DSCAM: variants seen among roughly 807,000 people sequenced by gnomAD.
DSCAM encodes the protein cell adhesion molecule DSCAM.
In DSCAM, 47 loss-of-function variants were observed where a neutral mutation model predicts 217.7. The ratio of observed to expected loss-of-function variants is 0.22; its 90% CI spans 0.17 to 0.28. The LOEUF (loss-of-function observed/expected upper bound fraction) is 0.28, where lower values mean the gene tolerates loss of function less well. Ranked by LOEUF, DSCAM falls within the 10% of genes least tolerant of loss-of-function variation. The pLI is 1.00. For synonymous variants in DSCAM, 1,056 were observed against 1,015.3 expected (o/e 1.04, Z -0.76); for missense variants, 2,080 against 2,618.3 (o/e 0.79, Z 4.49).
chr21:40,112,857 CT>C (rs1398126774), intron 20 of DSCAM, among the ~76,000 whole-genome samples: 3 of 152,138 alleles, frequency 2.0e-5, no homozygotes, highest in African/African-American at 7.2e-5. Flanking sequence ...CCTCCCAAGA[CT>C]AAACCAGAAA....
intron 1 of DSCAM, among the ~76,000 whole-genome samples, chr21:40,711,972 AC>A (rs2090785111): frequency 6.6e-6 from 1 of 152,122 alleles, no homozygotes; most frequent in African/African-American, 2.4e-5. Flanking sequence ...ACCCTCTACA[AC>A]CATGTCTTTC....
In DSCAM at chr21:40,021,039, G is replaced by A. The variant is rs188288015; in HGVS notation, c.5687-7653C>T. Among the ~76,000 whole-genome samples, 337 of 151,774 alleles carry A rather than the reference G, an allele frequency of 2.2e-3. 6 individuals are homozygous for A. Among genetic ancestry groups the A allele is most frequent in the Non-Finnish European group, 1.7e-3 (118 of 67,944 alleles). ...GCAGGAACATACCAGGGTCAGGGGAGGCTGAGATGAATAAGGCTGGGGGGG... is the reference window on the plus strand; with the variant it reads ...GCAGGAACATACCAGGGTCAGGGGAAGCTGAGATGAATAAGGCTGGGGGGG... On this transcript the variant is annotated intron_variant, in intron 32 of 32. Coordinates refer to ENST00000400454, the MANE Select transcript of DSCAM (RefSeq NM_001389.5).
chr21:40,147,350 GA>G (rs2090369049), intron 16 of DSCAM, among the ~76,000 whole-genome samples: 1 of 152,240 alleles, frequency 6.6e-6, no homozygotes, highest in Non-Finnish European at 1.5e-5. Flanking sequence ...TGTACAGGTA[GA>G]AAGGAGAAAT....
intron 3 of DSCAM, among the ~76,000 whole-genome samples, chr21:40,395,584 CT>C (rs945972850): frequency 6.6e-6 from 1 of 150,774 alleles, no homozygotes; most frequent in East Asian, 1.9e-4. Flanking sequence ...TCTTTGATTT[CT>C]TTTTTTTTCT....
intron 27 of DSCAM, among the ~76,000 whole-genome samples, chr21:40,071,328 C>T (rs552638275): frequency 3.9e-5 from 6 of 152,158 alleles, no homozygotes; most frequent in Admixed American, 2.0e-4. Flanking sequence ...TTTAGGAGGT[C>T]GCCATGCTCT....
At chr21:40,307,943 G>T (rs1259331802) in intron 9 of DSCAM, among the ~76,000 whole-genome samples, 1 of 129,690 alleles carries the variant, frequency 7.7e-6, no homozygotes, top group Non-Finnish European at 1.6e-5. Flanking sequence ...TGGGATGAGG[G>T]GAGGGGGGAG....
At chr21:40,834,245 A>T (rs1042784820) in intron 1 of DSCAM, among the ~76,000 whole-genome samples, 3 of 151,658 alleles carry the variant, frequency 2.0e-5, no homozygotes, top group Admixed American at 2.0e-4. Context: ...CGTCTCTACT[A>T]AAAATACAAA....
At chr21:40,365,551 T>G (rs141696334) in intron 4 of DSCAM, among the ~76,000 whole-genome samples, 118 of 152,260 alleles carry the variant, frequency 7.7e-4, no homozygotes, top group African/African-American at 2.8e-3. Context: ...AAACTCTACT[T>G]TATATATACA....
intron 20 of DSCAM, among the ~76,000 whole-genome samples, chr21:40,099,660 C>T (rs769249163): frequency 2.2e-4 from 34 of 152,172 alleles, no homozygotes; most frequent in Admixed American, 2.0e-3. Flanking sequence ...GAAGTTTTAG[C>T]GATGATCTTA....
At chr21:40,832,833 C>A (rs4818185) in intron 1 of DSCAM, among the ~76,000 whole-genome samples, 110,224 of 152,064 alleles carry the variant, frequency 0.72, 40,117 homozygotes, top group East Asian at 0.78. Context: ...AATGACAACA[C>A]CACCATCGAT....
chr21:40,405,012 A>T (rs1432294644), intron 3 of DSCAM, among the ~76,000 whole-genome samples: 1 of 152,196 alleles, frequency 6.6e-6, no homozygotes, highest in East Asian at 1.9e-4. Flanking sequence ...GTATTATTCA[A>T]GTTGAGCTAT....
At chr21:40,653,270 C>T (rs980752401) in intron 3 of DSCAM, among the ~76,000 whole-genome samples, 62 of 152,306 alleles carry the variant, frequency 4.1e-4, no homozygotes, top group African/African-American at 1.2e-3. Context: ...AACATTTCCA[C>T]ATGGGTTCCT....
intron 1 of DSCAM, among the ~76,000 whole-genome samples, chr21:40,791,185 T>C (rs982722489): frequency 1.1e-4 from 16 of 149,026 alleles, no homozygotes; most frequent in Non-Finnish European, 2.2e-4. Context: ...GAAAAAGAAA[T>C]ATGCTTAGTA....
chr21:40,400,618 T>A (rs1285777949), intron 3 of DSCAM, among the ~76,000 whole-genome samples: 1 of 152,242 alleles, frequency 6.6e-6, no homozygotes, highest in African/African-American at 2.4e-5. Context: ...GGTCTTGCTA[T>A]GTTGCTTAGG....
intron 11 of DSCAM, among the ~76,000 whole-genome samples, chr21:40,212,719 C>T (rs926076800): frequency 1.3e-5 from 2 of 152,166 alleles, no homozygotes; most frequent in African/African-American, 4.8e-5. Flanking sequence ...AATATATCAA[C>T]ATCCCAACCC....
intron 28 of DSCAM, among the ~76,000 whole-genome samples, chr21:40,058,107 C>T (rs200013415): frequency 6.6e-6 from 1 of 151,892 alleles, no homozygotes; most frequent in African/African-American, 2.4e-5. Flanking sequence ...CTCCTGACCT[C>T]GTGATCCACC....
chr21:40,525,914 C>A (rs1414444477), intron 3 of DSCAM, among the ~76,000 whole-genome samples: 2 of 152,076 alleles, frequency 1.3e-5, no homozygotes, highest in African/African-American at 4.8e-5. Context: ...ATAAGGTGGG[C>A]TCCTGGTATC....
At chr21:40,019,699 G>A (rs1313448458) in intron 32 of DSCAM, among the ~76,000 whole-genome samples, 1 of 152,190 alleles carries the variant, frequency 6.6e-6, no homozygotes, top group Admixed American at 6.5e-5. Flanking sequence ...ACCATGTCAT[G>A]GGTACTCACC....
chr21:40,517,404 A>AACACACACACACACACACACAC (rs3070750), intron 3 of DSCAM, among the ~76,000 whole-genome samples: 17 of 144,776 alleles, frequency 1.2e-4, no homozygotes, highest in South Asian at 1.1e-3. Flanking sequence ...ACACACAAGC[A>AACACACACACACACACACACAC]ACACACACAC....
Sources: gnomAD v4.1 joint callset for allele counts (sites outside exome capture counted in the v4.1 genomes callset) on GRCh38, gnomAD v4.1.1 for gene constraint, MANE v1.5 for transcripts, NCBI Gene and HGNC (gene_info 2026-07-23, HGNC 2026-07-21) for gene names.